Variants in KCNU1 observed in about 807,000 individuals in gnomAD.
KCNU1 encodes potassium calcium-activated channel subfamily U member 1, also known as potassium channel subfamily U member 1.
In KCNU1, 93 loss-of-function variants were observed where a neutral mutation model predicts 126.8. The observed-to-expected ratio is 0.73, with a 90% CI of 0.62 to 0.87. The LOEUF (loss-of-function observed/expected upper bound fraction) is 0.87, where lower values mean the gene tolerates loss of function less well. Among genes scored for constraint, KCNU1 ranks in the 40% least tolerant of loss-of-function variants. KCNU1 has a pLI of 0.00. For synonymous variants in KCNU1, 523 were observed against 494.2 expected (o/e 1.06, Z -0.77); for missense variants, 1,330 against 1,367.1 (o/e 0.97, Z 0.43).
At chr8:36,925,851 C>G (rs1342023605) in intron 24 of KCNU1, among the ~76,000 whole-genome samples, 1 of 152,090 alleles carries the variant, frequency 6.6e-6, no homozygotes, top group African/African-American at 2.4e-5. Flanking sequence ...TGGAGCATCT[C>G]CTGGCTGAGG....
intron 19 of KCNU1, among the ~76,000 whole-genome samples, chr8:36,890,257 AT>A (rs940374800): frequency 3.3e-5 from 5 of 152,022 alleles, no homozygotes; most frequent in African/African-American, 9.7e-5. Context: ...AATTTTTTTT[AT>A]TTTTAATTGA....
In KCNU1 at chr8:36,817,499, C is replaced by CAAAAAAAA. The variant is rs375306964; in HGVS notation, c.996-132_996-125dup. The stretch of plus-strand genomic sequence containing the variant: ...GGGCAGCAAGAGCAAAACTCCATCT[C>CAAAAAAAA]AAAAAAAAAAAAAAAAAAAAAAAAA... On this transcript the variant is annotated intron_variant, in intron 9 of 26. Coordinates refer to ENST00000399881, the MANE Select transcript of KCNU1 (RefSeq NM_001031836.3). The CAAAAAAAA allele has an allele frequency of 2.6e-4, 61 of 234,700 alleles. 2 individuals are homozygous for CAAAAAAAA. The East Asian group carries it at 3.8e-3, about 15-fold the overall frequency. 14.5% of individuals were successfully genotyped at this position (234,700 alleles called of 1,614,324 possible).
intron 19 of KCNU1, among the ~76,000 whole-genome samples, chr8:36,895,586 A>T (rs1036940442): frequency 1.2e-4 from 18 of 152,160 alleles, no homozygotes; most frequent in African/African-American, 4.3e-4. Flanking sequence ...AATGACAATT[A>T]TCAATCTTTG....
At chr8:36,912,586 T>C (rs867743319) in intron 22 of KCNU1, among the ~76,000 whole-genome samples, 1 of 152,110 alleles carries the variant, frequency 6.6e-6, no homozygotes, top group African/African-American at 2.4e-5. Context: ...GGTCACTCCT[T>C]GGATTCACTC....
chr8:36,893,341 C>A (rs145375337), intron 19 of KCNU1, among the ~76,000 whole-genome samples: 1 of 145,628 alleles, frequency 6.9e-6, no homozygotes, highest in Non-Finnish European at 1.5e-5. Context: ...TTTTTTTTTG[C>A]GACATTGTTA....
At chr8:36,810,471 C>T (rs557851165) in intron 7 of KCNU1, among the ~76,000 whole-genome samples, 30 of 152,154 alleles carry the variant, frequency 2.0e-4, no homozygotes, top group East Asian at 3.9e-4. Flanking sequence ...AATCAGATGG[C>T]GTGTGAATTA....
chr8:36,804,108 A>T lies in KCNU1; in HGVS notation c.377+20A>T. 1.3e-6 allele frequency: 2 copies of T among 1,501,302 alleles called. No individual in the cohort carries two copies. The highest frequency in any genetic ancestry group is 1.8e-6 in the Non-Finnish European group (2 of 1,100,226). The allele number at this position is 1,501,302 out of a possible 1,614,324, so 93.0% of individuals were successfully genotyped here. On this transcript the variant is annotated intron_variant, in intron 3 of 26. Coordinates refer to ENST00000399881, the MANE Select transcript of KCNU1 (RefSeq NM_001031836.3). The stretch of plus-strand genomic sequence containing the variant: ...TGCTGAGTGAGTACAATGTCCAGTC[A>T]CACTTGTCTGCTATATCAGTACATT...
Position 36,817,785 on chromosome 8 carries a change from G to C in KCNU1, c.1106+25G>C, listed in dbSNP as rs551303900. 1.0e-4 allele frequency: 115 copies of C among 1,127,098 alleles called. 2 individuals are homozygous for C. In the South Asian group the frequency reaches 1.4e-3, roughly 13 times the overall value. 69.8% of individuals were successfully genotyped at this position (1,127,098 alleles called of 1,614,324 possible). ...AGTAAGTATATCTGTATGGCTCATG[G>C]GTTCTAAATTAATACTTAAAATACG... On this transcript the variant is annotated intron_variant, in intron 10 of 26. Coordinates refer to ENST00000399881, the MANE Select transcript of KCNU1 (RefSeq NM_001031836.3).
intron 24 of KCNU1, chr8:36,929,075 TAA>T: frequency 1.5e-6 from 1 of 688,280 alleles, no homozygotes; most frequent in African/African-American, 1.8e-5. Flanking sequence ...TTAAAGATTA[TAA>T]AACTGTTGCT....
intron 16 of KCNU1, 107 bp from the exon 17 acceptor site, chr8:36,845,473 T>C: frequency 1.5e-6 from 1 of 657,092 alleles, no homozygotes. Flanking sequence ...TTGAATACGA[T>C]TAAATTAGCA....
At chr8:36,912,032 T>C (rs1241060716) in intron 22 of KCNU1, among the ~76,000 whole-genome samples, 2 of 152,174 alleles carry the variant, frequency 1.3e-5, no homozygotes, top group Non-Finnish European at 2.9e-5. Context: ...GAAATAAAAG[T>C]AAGTCATGAC....
intron 2 of KCNU1, among the ~76,000 whole-genome samples, chr8:36,791,299 G>C (rs937751063): frequency 3.9e-5 from 6 of 152,016 alleles, no homozygotes; most frequent in Non-Finnish European, 8.8e-5. Flanking sequence ...ATTTCTTTTT[G>C]AGATTTTGTG....
chr8:36,796,366 A>G (rs1013498475), intron 2 of KCNU1, among the ~76,000 whole-genome samples: 4 of 152,166 alleles, frequency 2.6e-5, no homozygotes, highest in African/African-American at 9.7e-5. Context: ...AAGACTGTCT[A>G]TTTGATGTAT....
At chr8:36,835,710 A>C (rs1804723254) in intron 12 of KCNU1, among the ~76,000 whole-genome samples, 1 of 152,180 alleles carries the variant, frequency 6.6e-6, no homozygotes, top group Admixed American at 6.5e-5. Context: ...CTCTTCTAGC[A>C]AGAACGTGAC....
At position 36,885,638 on chromosome 8, in the gene KCNU1, C is replaced by T. The variant is rs559488685; in HGVS notation, c.2010-20070C>T. On this transcript the variant is annotated intron_variant, in intron 19 of 26. Coordinates refer to ENST00000399881, the MANE Select transcript of KCNU1 (RefSeq NM_001031836.3). ...CGAAACCACATCTCTACTAAAAATA[C>T]AAAAATTAACTGGTCATGGTGGTGG... Among the ~76,000 whole-genome samples, 4 of 152,056 alleles carry T rather than the reference C, an allele frequency of 2.6e-5. No individual in the cohort carries two copies. In the East Asian group the frequency reaches 7.8e-4, roughly 30 times the overall value.
At chr8:36,811,071 C>A (rs186067679) in intron 7 of KCNU1, among the ~76,000 whole-genome samples, 8 of 152,112 alleles carry the variant, frequency 5.3e-5, no homozygotes, top group Admixed American at 1.3e-4. Flanking sequence ...TTGACAAAAT[C>A]ACATTCAGAA....
chr8:36,792,742 G>A (rs1174926823), intron 2 of KCNU1, among the ~76,000 whole-genome samples: 2 of 152,046 alleles, frequency 1.3e-5, no homozygotes, highest in Non-Finnish European at 2.9e-5. Context: ...TAAAATATAA[G>A]AATGTGTTAA....
chr8:36,820,702 A>T lies in KCNU1; in HGVS notation c.1106+2942A>T, dbSNP rs548506404. On this transcript the variant is annotated intron_variant, in intron 10 of 26. Coordinates refer to ENST00000399881, the MANE Select transcript of KCNU1 (RefSeq NM_001031836.3). ...GAACAATCTCTCCAGATGGTCAAAA[A>T]AAGGAAGAATGACCTCAGAGAGAAA... is the stretch of plus-strand genomic sequence containing the variant. Among the ~76,000 whole-genome samples the T allele has an allele frequency of 7.9e-5, 12 of 152,238 alleles. No homozygotes were observed. In the South Asian group the frequency reaches 2.3e-3, roughly 29 times the overall value.
intron 23 of KCNU1, among the ~76,000 whole-genome samples, chr8:36,921,924 C>T (rs1252432165): frequency 1.3e-5 from 2 of 152,098 alleles, no homozygotes; most frequent in East Asian, 1.9e-4. Flanking sequence ...TGGCTGGGCA[C>T]GTAGACTCTC....
Sources: allele counts gnomAD v4.1 joint callset (sites outside exome capture counted in the v4.1 genomes callset), GRCh38; gene constraint gnomAD v4.1.1; transcripts MANE v1.5; gene names NCBI Gene and HGNC (gene_info 2026-07-23, HGNC 2026-07-21).